SMCHD1: variants seen among roughly 807,000 people sequenced by gnomAD.
SMCHD1 encodes the protein structural maintenance of chromosomes flexible hinge domain containing 1, also known as structural maintenance of chromosomes flexible hinge domain-containing protein 1.
Under a neutral mutation model 254.7 loss-of-function variants are expected in SMCHD1, and 78 were observed. The ratio of observed to expected loss-of-function variants is 0.31; its 90% CI spans 0.26 to 0.37. The LOEUF (loss-of-function observed/expected upper bound fraction) is 0.37, where lower values mean the gene tolerates loss of function less well. Among genes scored for constraint, SMCHD1 ranks in the 10% least tolerant of loss-of-function variants. SMCHD1 has a pLI of 1.00. For missense variants in SMCHD1, 1,840 were observed against 2,408.1 expected (o/e 0.76, Z 4.94); for synonymous variants, 766 against 794.9 (o/e 0.96, Z 0.61).
chr18:2,688,645 A>G lies in SMCHD1; in HGVS notation c.771A>G (p.Ala257=). 1 of 1,557,484 alleles carries G rather than the reference A, an allele frequency of 6.4e-7. No individual in the cohort carries two copies. The highest frequency in any genetic ancestry group is 8.7e-7 in the Non-Finnish European group (1 of 1,152,122). Residue 257 remains alanine (A), a synonymous_variant, in exon 7 of 48, where the codon GCA becomes GCG. Transcript: ENST00000320876. ...GQSARMISKP[A]DSQDVHELVL... ...TTTAACAGATGATAAGCAAACCTGC[A>G]GATTCCCAAGATGTTCACGAGCTTG...
chr18:2,713,826 T>C (rs1373812474), intron 17 of SMCHD1, among the ~76,000 whole-genome samples: 1 of 152,230 alleles, frequency 6.6e-6, no homozygotes, highest in Non-Finnish European at 1.5e-5. Flanking sequence ...TCCACTATGG[T>C]CCAAGAAGTT....
chr18:2,778,315 C>A, intron 44 of SMCHD1, 76 bp downstream of exon 44: 1 of 1,037,654 alleles, frequency 9.6e-7, no homozygotes, highest in Non-Finnish European at 1.4e-6. Flanking sequence ...GATACATATA[C>A]AAACGACTAG....
rs1055394372 is a variant in SMCHD1, at chr18:2,755,725, G to T, written c.4346+3173G>T. ...TGGGACTATAGGCACCTGCCACCACGCCCAGCTAATTTTTTGTATTTTTAG... is the reference window on the plus strand; with the variant it reads ...TGGGACTATAGGCACCTGCCACCACTCCCAGCTAATTTTTTGTATTTTTAG... On this transcript the variant is annotated intron_variant, in intron 34 of 47. Transcript: ENST00000320876. Among the ~76,000 whole-genome samples the T allele has an allele frequency of 4.6e-5, 7 of 151,426 alleles. 1 individual carries two copies. The East Asian group carries it at 9.7e-4, about 21-fold the overall frequency.
chr18:2,764,341 G>T (rs1204784676), intron 37 of SMCHD1, among the ~76,000 whole-genome samples: 1 of 151,826 alleles, frequency 6.6e-6, no homozygotes, highest in African/African-American at 2.4e-5. Context: ...ATGTTCGGAG[G>T]GTGTAAAATT....
At chr18:2,728,793 G>T in intron 23 of SMCHD1, 197 bp downstream of exon 23, 1 of 482,236 alleles carries the variant, frequency 2.1e-6, no homozygotes. Flanking sequence ...ACTGTGCCCA[G>T]TTTCATAAAT....
At chr18:2,679,352 C>T (rs1256607806) in intron 5 of SMCHD1, among the ~76,000 whole-genome samples, 2 of 149,818 alleles carry the variant, frequency 1.3e-5, no homozygotes, top group Non-Finnish European at 1.5e-5. Context: ...GGCGGGCACC[C>T]ATAGTCCCAG....
chr18:2,664,326 A>G (rs2073377101), intron 1 of SMCHD1, among the ~76,000 whole-genome samples: 1 of 151,806 alleles, frequency 6.6e-6, no homozygotes, highest in African/African-American at 2.4e-5. Context: ...GTTTGTTTAA[A>G]TCAGGATCTG....
intron 45 of SMCHD1, chr18:2,784,874 G>C (rs148003788): frequency 2.0e-6 from 1 of 506,514 alleles, no homozygotes; most frequent in African/African-American, 1.9e-5. Flanking sequence ...CTACTCAGGA[G>C]GCTAAGACAA....
intron 37 of SMCHD1, chr18:2,764,090 CAA>C (rs2075829563): frequency 4.7e-6 from 1 of 210,908 alleles, no homozygotes; most frequent in Admixed American, 6.1e-5. Context: ...TGGATAGAAA[CAA>C]AAAATGTAGC....
chr18:2,683,351 A>G (rs900035277), intron 5 of SMCHD1, among the ~76,000 whole-genome samples: 10 of 152,050 alleles, frequency 6.6e-5, no homozygotes, highest in African/African-American at 2.2e-4. Flanking sequence ...AGTTTAGTCT[A>G]CTTTTTTCCT....
chr18:2,666,830 A>T, intron 2 of SMCHD1, 40 bp from the exon 3 acceptor site: 1 of 1,524,576 alleles, frequency 6.6e-7, no homozygotes, highest in Non-Finnish European at 8.9e-7. Flanking sequence ...TGAGTTTCTG[A>T]TGCTGACCTA....
chr18:2,795,251 G>A (rs1276530256), intron 45 of SMCHD1, among the ~76,000 whole-genome samples: 1 of 152,080 alleles, frequency 6.6e-6, no homozygotes, highest in African/African-American at 2.4e-5. Context: ...TAGAGACGGG[G>A]TTTCACCGTG....
intron 20 of SMCHD1, 43 bp from the exon 21 acceptor site, chr18:2,724,856 G>A (rs776575123): frequency 8.9e-7 from 1 of 1,123,406 alleles, no homozygotes; most frequent in South Asian, 1.8e-5. Flanking sequence ...CAGCTTACTT[G>A]TAGGCAATTG....
Position 2,656,200 on chromosome 18 carries a change from A to G in SMCHD1, c.125A>G (p.Asp42Gly). 6.6e-7 allele frequency: 1 copy of G among 1,505,558 alleles called. No homozygotes were observed. Among genetic ancestry groups the G allele is most frequent in the Non-Finnish European group, 8.8e-7 (1 of 1,133,758 alleles). The allele number at this position is 1,505,558 out of a possible 1,614,324, so 93.3% of individuals were successfully genotyped here. Residue 42 changes from aspartate to glycine, a missense_variant, in exon 1 of 48, where the codon GAC becomes GGC. By Grantham distance (94) the Asp-to-Gly change is moderately conservative. Coordinates refer to ENST00000320876, the MANE Select transcript of SMCHD1 (RefSeq NM_015295.3). ...CGCGAAAAGGAGTCCGAGCTCGGGG[A>G]CCGGCCTCTGCAGGTCGGGGAGCGC... is the stretch of plus-strand genomic sequence containing the variant. ...DRREKESELG[D>G]RPLQVGERSD... is the part of the protein sequence containing the mutation.
At chr18:2,711,087 C>T (rs974362718) in intron 17 of SMCHD1, among the ~76,000 whole-genome samples, 1 of 152,100 alleles carries the variant, frequency 6.6e-6, no homozygotes, top group South Asian at 2.1e-4. Flanking sequence ...AGTGGTCCTC[C>T]CACGTCAGCC....
At chr18:2,692,971 A>C (rs2074211346) in intron 7 of SMCHD1, among the ~76,000 whole-genome samples, 2 of 152,224 alleles carry the variant, frequency 1.3e-5, no homozygotes, top group African/African-American at 4.8e-5. Flanking sequence ...CTCCTGACTC[A>C]AAGTATATGA....
At chr18:2,742,813 A>G (rs1055031551) in intron 28 of SMCHD1, among the ~76,000 whole-genome samples, 3 of 152,042 alleles carry the variant, frequency 2.0e-5, no homozygotes, top group Non-Finnish European at 4.4e-5. Context: ...ACTAGCTAGG[A>G]CTATAGACGC....
intron 42 of SMCHD1, among the ~76,000 whole-genome samples, chr18:2,777,069 C>T (rs60665346): frequency 0.014 from 2,088 of 148,676 alleles, 60 homozygotes; most frequent in African/African-American, 0.049. Flanking sequence ...ACCTCCCCCC[C>T]CCATACCCTA....
chr18:2,660,285 G>A (rs1020056410), intron 1 of SMCHD1, among the ~76,000 whole-genome samples: 7 of 152,066 alleles, frequency 4.6e-5, no homozygotes, highest in South Asian at 2.1e-4. Flanking sequence ...AGAACGCACC[G>A]CTGCACTCTA....
Sources: gnomAD v4.1 joint callset for allele counts (sites outside exome capture counted in the v4.1 genomes callset) on GRCh38, gnomAD v4.1.1 for gene constraint, MANE v1.5 for transcripts, NCBI Gene and HGNC (gene_info 2026-07-23, HGNC 2026-07-21) for gene names.